Variants in ERBB4 observed in about 807,000 individuals in gnomAD.
ERBB4 encodes receptor tyrosine-protein kinase erbB-4.
ERBB4 carries 42 observed loss-of-function variants against 158.0 expected under a neutral mutation model. That is an observed-to-expected ratio of 0.27 (90% CI 0.21 to 0.34). The LOEUF (loss-of-function observed/expected upper bound fraction) is 0.34, where lower values mean the gene tolerates loss of function less well. Ranked by LOEUF, ERBB4 falls within the 10% of genes least tolerant of loss-of-function variation. The pLI, the probability that ERBB4 is intolerant of heterozygous loss-of-function variation, is 1.00. For missense variants in ERBB4, 1,333 were observed against 1,624.1 expected (o/e 0.82, Z 3.08); for synonymous variants, 583 against 558.7 (o/e 1.04, Z -0.61).
At chr2:212,190,254 C>A (rs1429346246) in intron 1 of ERBB4, among the ~76,000 whole-genome samples, 1 of 152,080 alleles carries the variant, frequency 6.6e-6, no homozygotes, top group South Asian at 2.1e-4. Context: ...GAAATGGGGG[C>A]AGCTGGGCGC....
At chr2:211,761,881 C>T (rs1398330312) in intron 4 of ERBB4, among the ~76,000 whole-genome samples, 6 of 152,132 alleles carry the variant, frequency 3.9e-5, no homozygotes. Flanking sequence ...GTGTGGAAAA[C>T]CCCAGCTATT....
rs1491425347 is a variant in ERBB4 at position 212,191,438 on chromosome 2, CAT to C, written c.83-66537_83-66536del. ...TACAACCTAGTTGTAGGTATATACACATGTTATACATGTTATACCTGTTATAT... is the reference window on the plus strand; with the variant it reads ...TACAACCTAGTTGTAGGTATATACACGTTATACATGTTATACCTGTTATAT... On this transcript the variant is annotated intron_variant, in intron 1 of 27. Coordinates refer to ENST00000342788, the MANE Select transcript of ERBB4 (RefSeq NM_005235.3). Among the ~76,000 whole-genome samples, 48 of 90,382 alleles carry C rather than the reference CAT, an allele frequency of 5.3e-4. 2 individuals are homozygous for C. The highest frequency in any genetic ancestry group is 3.7e-3 in the East Asian group (18 of 4,876). 59.3% of individuals were successfully genotyped at this position (90,382 alleles called of 152,430 possible). A position where few individuals can be genotyped will look rare whatever the true frequency, so the allele number is the denominator to read the frequency against.
At chr2:212,055,156 C>T (rs2077516731) in intron 2 of ERBB4, among the ~76,000 whole-genome samples, 1 of 152,200 alleles carries the variant, frequency 6.6e-6, no homozygotes, top group Non-Finnish European at 1.5e-5. Context: ...TTATACTCCG[C>T]ACCTGGCTCG....
At chr2:212,226,309 C>T (rs749202114) in intron 1 of ERBB4, among the ~76,000 whole-genome samples, 2 of 151,956 alleles carry the variant, frequency 1.3e-5, no homozygotes, top group Admixed American at 1.3e-4. Context: ...GAACTCAGCA[C>T]TGGCTGATAT....
intron 4 of ERBB4, among the ~76,000 whole-genome samples, chr2:211,751,168 A>G (rs539662160): frequency 6.6e-6 from 1 of 152,320 alleles, no homozygotes; most frequent in South Asian, 2.1e-4. Flanking sequence ...AACACATGAA[A>G]AATCATTAGA....
chr2:212,367,782 T>C (rs559551269), intron 1 of ERBB4, among the ~76,000 whole-genome samples: 5 of 152,108 alleles, frequency 3.3e-5, no homozygotes, highest in South Asian at 2.1e-4. Context: ...AGGGCATGAA[T>C]AGACAATTTT....
At chr2:211,602,319 CT>C (rs2068825968) in intron 19 of ERBB4, among the ~76,000 whole-genome samples, 1 of 152,102 alleles carries the variant, frequency 6.6e-6, no homozygotes, top group South Asian at 2.1e-4. Context: ...TGCTTGGACT[CT>C]GTCAGCAAGC....
chr2:212,391,641 T>TAATATTA (rs1225818439), intron 1 of ERBB4, among the ~76,000 whole-genome samples: 2 of 103,386 alleles, frequency 1.9e-5, no homozygotes, highest in Non-Finnish European at 3.9e-5. Flanking sequence ...TATTGACATA[T>TAATATTA]AATATTATAT....
chr2:212,516,127 GACAC>G (rs1193821126), intron 1 of ERBB4, among the ~76,000 whole-genome samples: 1 of 151,630 alleles, frequency 6.6e-6, no homozygotes, highest in African/African-American at 2.4e-5. Context: ...TAGTACTATA[GACAC>G]ACACACAGAC....
chr2:211,638,453 T>G (rs2070442846), intron 16 of ERBB4, among the ~76,000 whole-genome samples: 1 of 152,182 alleles, frequency 6.6e-6, no homozygotes, highest in Non-Finnish European at 1.5e-5. Context: ...ATGACACATC[T>G]TTTCTTTTTG....
intron 12 of ERBB4, among the ~76,000 whole-genome samples, chr2:211,684,803 C>G (rs1158993387): frequency 1.3e-5 from 2 of 152,188 alleles, no homozygotes; most frequent in African/African-American, 2.4e-5. Flanking sequence ...GGAGTTTCCA[C>G]ATCCTGATGA....
intron 3 of ERBB4, among the ~76,000 whole-genome samples, chr2:211,801,981 C>T (rs1190864784): frequency 1.3e-5 from 2 of 152,074 alleles, no homozygotes; most frequent in African/African-American, 4.8e-5. Context: ...GAATACAGGC[C>T]GGGCACGGTG....
chr2:211,567,492 T>TAA (rs2067584568), intron 19 of ERBB4, among the ~76,000 whole-genome samples: 2 of 152,178 alleles, frequency 1.3e-5, no homozygotes, highest in African/African-American at 2.4e-5. Context: ...CTGAGGGTAG[T>TAA]ATTTGATAAA....
intron 1 of ERBB4, among the ~76,000 whole-genome samples, chr2:212,239,676 C>A (rs1259787145): frequency 6.6e-6 from 1 of 152,128 alleles, no homozygotes; most frequent in Non-Finnish European, 1.5e-5. Context: ...TTCATAATCT[C>A]AGGTCTGTCT....
At chr2:211,440,984 C>CTA (rs1281522468) in intron 20 of ERBB4, among the ~76,000 whole-genome samples, 1 of 152,188 alleles carries the variant, frequency 6.6e-6, no homozygotes, top group African/African-American at 2.4e-5. Context: ...AAAGTGGCAC[C>CTA]TACATACTTC....
intron 2 of ERBB4, among the ~76,000 whole-genome samples, chr2:212,030,414 T>G (rs1054461587): frequency 3.3e-5 from 5 of 152,138 alleles, no homozygotes; most frequent in African/African-American, 1.2e-4. Flanking sequence ...TTTAAATTTC[T>G]TTAGTTGCCT....
At chr2:211,576,550 A>G (rs1408413887) in intron 19 of ERBB4, among the ~76,000 whole-genome samples, 2 of 152,180 alleles carry the variant, frequency 1.3e-5, no homozygotes, top group Non-Finnish European at 2.9e-5. Flanking sequence ...GACTTTGGGA[A>G]TGTTTGCAGG....
intron 1 of ERBB4, among the ~76,000 whole-genome samples, chr2:212,301,517 G>A (rs2135162): frequency 0.74 from 111,982 of 151,116 alleles, 45,711 homozygotes; most frequent in Non-Finnish European, 0.9. Flanking sequence ...TCAATCAACT[G>A]ATATTAATTA....
chr2:212,344,476 A>ATG (rs58499972), intron 1 of ERBB4, among the ~76,000 whole-genome samples: 7,417 of 121,456 alleles, frequency 0.061, 253 homozygotes, highest in African/African-American at 0.13. Context: ...GTGTGTATAT[A>ATG]TGTGTGTGTG....
Sources: allele counts gnomAD v4.1 joint callset (sites outside exome capture counted in the v4.1 genomes callset), GRCh38; gene constraint gnomAD v4.1.1; transcripts MANE v1.5; gene names NCBI Gene and HGNC (gene_info 2026-07-23, HGNC 2026-07-21).